AREL1: variants seen among roughly 807,000 people sequenced by gnomAD.
The protein encoded by AREL1 is apoptosis-resistant E3 ubiquitin protein ligase 1.
Under a neutral mutation model 99.0 loss-of-function variants are expected in AREL1, and 62 were observed. The ratio of observed to expected loss-of-function variants is 0.63; its 90% CI spans 0.51 to 0.77. The LOEUF (loss-of-function observed/expected upper bound fraction) is 0.77. AREL1 is among the 30% of genes least tolerant of loss of function. AREL1 has a pLI of 0.00. For missense variants in AREL1, 879 were observed against 1,027.6 expected (o/e 0.86, Z 1.98); for synonymous variants, 380 against 376.5 (o/e 1.01, Z -0.11).
At chr14:74,699,578 T>C (rs768722300) in intron 1 of AREL1, among the ~76,000 whole-genome samples, 15 of 152,218 alleles carry the variant, frequency 9.9e-5, no homozygotes, top group Non-Finnish European at 1.6e-4. Context: ...TTCTTATACA[T>C]ACTGCTCTCA....
At chr14:74,670,928 T>G in intron 12 of AREL1, 57 bp from the exon 13 acceptor site, 1 of 1,413,828 alleles carries the variant, frequency 7.1e-7, no homozygotes, top group Non-Finnish European at 9.9e-7. Flanking sequence ...TTACCACTTT[T>G]GTTTATTGAG....
rs1340170737 is a variant in AREL1, at chr14:74,667,495, C to T, written c.2014G>A (p.Val672Met). 1.2e-6 allele frequency: 2 copies of T among 1,613,660 alleles called. No individual in the cohort carries two copies. The highest frequency in any genetic ancestry group is 1.7e-5 in the Admixed American group (1 of 59,964). ...AGGAAATGTTCCACCTCCTCTTTCA[C>T]TTGACTGGCCAGCCGATATTGGGCC... ...LLAQYRLASQ[V>M]KEEVEHFLKG... Residue 672 changes from valine to methionine, a missense_variant, in exon 16 of 20, where the codon GTG becomes ATG. Transcript: ENST00000356357.
At chr14:74,671,985 A>C (rs1179730189) in intron 11 of AREL1, 3 of 455,242 alleles carry the variant, frequency 6.6e-6, no homozygotes, top group South Asian at 3.1e-5. Flanking sequence ...CAAACATCAC[A>C]AACACTTTCT....
Position 74,663,661 on chromosome 14 carries a change from G to A in AREL1, c.*59C>T, listed in dbSNP as rs2089137459. 1 of 1,507,518 alleles carries A rather than the reference G, an allele frequency of 6.6e-7. No homozygotes were observed. The highest frequency in any genetic ancestry group is 9.2e-7 in the Non-Finnish European group (1 of 1,084,922). The allele number at this position is 1,507,518 out of a possible 1,614,324, so 93.4% of individuals were successfully genotyped here. On this transcript the variant is annotated 3_prime_UTR_variant, in exon 20 of 20. Transcript: ENST00000356357. Reference sequence around the variant, plus strand: ...GTTAGGATCAGTGGTTATGATGTCTGTAACTTGCGCCCAGAAGCTCCAGAG... The same window carrying A: ...GTTAGGATCAGTGGTTATGATGTCTATAACTTGCGCCCAGAAGCTCCAGAG...
chr14:74,703,987 C>T (rs959771145), intron 1 of AREL1, among the ~76,000 whole-genome samples: 1 of 152,174 alleles, frequency 6.6e-6, no homozygotes, highest in Non-Finnish European at 1.5e-5. Context: ...TCTATATCCA[C>T]CAACACTTGG....
intron 15 of AREL1, among the ~76,000 whole-genome samples, chr14:74,668,468 AT>A (rs199862616): frequency 0.02 from 3,017 of 150,314 alleles, 89 homozygotes; most frequent in African/African-American, 0.069. Flanking sequence ...ACAATCCTGG[AT>A]TTTTTTTTTA....
intron 1 of AREL1, among the ~76,000 whole-genome samples, chr14:74,702,635 G>T (rs1057031696): frequency 6.6e-6 from 1 of 152,120 alleles, no homozygotes; most frequent in African/African-American, 2.4e-5. Flanking sequence ...TGGTGATTTG[G>T]CTCCTCTTTA....
intron 1 of AREL1, among the ~76,000 whole-genome samples, chr14:74,700,594 T>A (rs766241366): frequency 6.6e-6 from 1 of 152,108 alleles, no homozygotes; most frequent in Non-Finnish European, 1.5e-5. Flanking sequence ...CTGGCTAACA[T>A]GGTGAAACCC....
At chr14:74,684,345 G>A (rs1235752034) in intron 4 of AREL1, 109 bp downstream of exon 4, 2 of 951,272 alleles carry the variant, frequency 2.1e-6, no homozygotes, top group East Asian at 2.6e-5. Context: ...GTTCCTGGAG[G>A]GAGTTGAAAA....
At chr14:74,683,852 C>A (rs552408599) in intron 4 of AREL1, among the ~76,000 whole-genome samples, 2 of 152,294 alleles carry the variant, frequency 1.3e-5, no homozygotes, top group Non-Finnish European at 1.5e-5. Flanking sequence ...GTCTTACCAG[C>A]CCTTTATATT....
chr14:74,665,100 A>C, intron 17 of AREL1, 175 bp from the exon 18 acceptor site: 1 of 509,374 alleles, frequency 2.0e-6, no homozygotes, highest in South Asian at 2.3e-5. Flanking sequence ...TACATACAAC[A>C]GGGCAATAGT....
At chr14:74,688,396 T>C (rs772750295) in intron 2 of AREL1, among the ~76,000 whole-genome samples, 5 of 152,180 alleles carry the variant, frequency 3.3e-5, no homozygotes, top group Non-Finnish European at 7.3e-5. Flanking sequence ...CCAGTTATCA[T>C]GAAGCTGGCA....
intron 1 of AREL1, among the ~76,000 whole-genome samples, chr14:74,710,501 C>G (rs975206130): frequency 1.3e-5 from 2 of 151,996 alleles, no homozygotes; most frequent in African/African-American, 4.8e-5. Context: ...ATATATAATA[C>G]TAATGAGTCA....
intron 5 of AREL1, chr14:74,678,239 G>A (rs1216661570): frequency 4.4e-6 from 2 of 454,416 alleles, no homozygotes; most frequent in South Asian, 3.1e-5. Flanking sequence ...GCTCACGCCT[G>A]TAATCCCAAC....
Position 74,663,554 on chromosome 14 carries a change from G to T in AREL1, c.*166C>A. 1 of 706,776 alleles carries T rather than the reference G, an allele frequency of 1.4e-6. No homozygotes were observed. Among genetic ancestry groups the T allele is most frequent in the East Asian group, 2.6e-5 (1 of 37,786 alleles). 43.8% of individuals were successfully genotyped at this position (706,776 alleles called of 1,614,324 possible). On this transcript the variant is annotated 3_prime_UTR_variant, in exon 20 of 20. Coordinates refer to ENST00000356357, the MANE Select transcript of AREL1 (RefSeq NM_001039479.2). ...TGGTAGATATGGGCAGGGAGCAGGT[G>T]AGGTAAAGACAAGGCTTGTAGGTGA... is the stretch of plus-strand genomic sequence containing the variant.
rs1394048653 is a variant in AREL1, at chr14:74,673,107, T to C, written c.1270A>G (p.Thr424Ala). Residue 424 changes from threonine (T) to alanine (A), a missense_variant, in exon 10 of 20, where the codon ACT (threonine) becomes GCT (alanine). Transcript: ENST00000356357. ...SCKERNILAA[T>A]FIRSLHKNIG... ...TTCTTATGCAGGGAGCGGATAAAAG[T>C]GGCTGCTAGAATGTTCCTCTCCTTA... The C allele has an allele frequency of 1.2e-6, 2 of 1,614,038 alleles. No individual in the cohort carries two copies. Among genetic ancestry groups the C allele is most frequent in the Non-Finnish European group, 1.7e-6 (2 of 1,180,038 alleles).
At chr14:74,711,241 A>C (rs2090279623) in intron 1 of AREL1, among the ~76,000 whole-genome samples, 1 of 143,718 alleles carries the variant, frequency 7.0e-6, no homozygotes, top group Non-Finnish European at 1.5e-5. Context: ...GTCTCAAAAA[A>C]AAAAAAAAAA....
chr14:74,697,404 T>C (rs553173293), intron 1 of AREL1, among the ~76,000 whole-genome samples: 1 of 152,232 alleles, frequency 6.6e-6, no homozygotes, highest in South Asian at 2.1e-4. Context: ...TTTCAAAAAG[T>C]GCACAGGTTA....
chr14:74,685,610 A>G lies in AREL1; in HGVS notation c.6T>C (p.Phe2=). 6.2e-7 allele frequency: 1 copy of G among 1,614,202 alleles called. No homozygotes were observed. The highest frequency in any genetic ancestry group is 8.5e-7 in the Non-Finnish European group (1 of 1,180,020). Residue 2 remains phenylalanine (F), a synonymous_variant, in exon 3 of 20, where the codon TTT becomes TTC. Transcript: ENST00000356357. M[F]YVIGGITVSV... ...CTTTCCATAACGTACCAATAACGTA[A>G]AACATCAGGTCCCGTCAATGCCAAC... is the stretch of plus-strand genomic sequence containing the variant.
Sources: gnomAD v4.1 joint callset for allele counts (sites outside exome capture counted in the v4.1 genomes callset) on GRCh38, gnomAD v4.1.1 for gene constraint, MANE v1.5 for transcripts, NCBI Gene and HGNC (gene_info 2026-07-23, HGNC 2026-07-21) for gene names.